Variants in PCDH15 observed in about 807,000 individuals in gnomAD.
The protein encoded by PCDH15 is protocadherin-15.
A neutral mutation model predicts 178.5 loss-of-function variants in PCDH15; 129 were observed. The ratio of observed to expected loss-of-function variants is 0.72; its 90% CI spans 0.63 to 0.84. The LOEUF (loss-of-function observed/expected upper bound fraction) is 0.84, where lower values mean the gene tolerates loss of function less well. Ranked by LOEUF, PCDH15 falls within the 40% of genes least tolerant of loss-of-function variation. PCDH15 has a pLI of 0.00. For missense variants in PCDH15, 2,230 were observed against 2,099.9 expected, an observed-to-expected ratio of 1.06 and a Z score of -1.21; for synonymous variants, 800 against 732.0, an observed-to-expected ratio of 1.09 and a Z score of -1.50.
chr10:54,353,871 TA>T (rs149142423), intron 5 of PCDH15, among the ~76,000 whole-genome samples: 2,713 of 152,212 alleles, frequency 0.018, 86 homozygotes, highest in African/African-American at 0.062. Context: ...GTATTTAAAA[TA>T]AAAAAAGAAT....
At chr10:54,577,072 C>A (rs962221404) in intron 2 of PCDH15, among the ~76,000 whole-genome samples, 1 of 125,850 alleles carries the variant, frequency 7.9e-6, no homozygotes, top group Non-Finnish European at 1.7e-5. Flanking sequence ...CCTGAAAGAC[C>A]TGAAGAAAAT....
At chr10:55,511,584 AT>A (rs1206458960) in intron 2 of PCDH15, among the ~76,000 whole-genome samples, 6 of 151,782 alleles carry the variant, frequency 4.0e-5, no homozygotes, top group African/African-American at 9.7e-5. Context: ...GTTGTTGCTT[AT>A]TTTTTTTACT....
At chr10:55,360,650 AC>A (rs750327222) in intron 2 of PCDH15, among the ~76,000 whole-genome samples, 181 of 152,124 alleles carry the variant, frequency 1.2e-3, no homozygotes, top group Non-Finnish European at 1.8e-3. Context: ...AATTAAAACT[AC>A]AATAGGATAT....
intron 2 of PCDH15, among the ~76,000 whole-genome samples, chr10:55,088,981 T>G (rs1485967654): frequency 6.6e-6 from 1 of 152,088 alleles, no homozygotes; most frequent in Non-Finnish European, 1.5e-5. Context: ...TTGGGAGAAA[T>G]ATATATTCTA....
chr10:54,261,365 A>G (rs945637541), intron 8 of PCDH15, among the ~76,000 whole-genome samples: 1 of 151,974 alleles, frequency 6.6e-6, no homozygotes, highest in African/African-American at 2.4e-5. Flanking sequence ...TAATACCTAT[A>G]ATAATACTAA....
At chr10:54,113,857 C>T (rs2132741269) in intron 15 of PCDH15, among the ~76,000 whole-genome samples, 1 of 152,130 alleles carries the variant, frequency 6.6e-6, no homozygotes, top group East Asian at 1.9e-4. Context: ...AAAAGGCCTC[C>T]ACATGGCTAT....
intron 10 of PCDH15, among the ~76,000 whole-genome samples, chr10:54,197,332 T>A (rs895251848): frequency 6.6e-6 from 1 of 151,966 alleles, no homozygotes; most frequent in African/African-American, 2.4e-5. Context: ...AAAATATATA[T>A]TTTATTATAT....
intron 5 of PCDH15, among the ~76,000 whole-genome samples, chr10:54,363,377 T>G (rs1209516139): frequency 6.6e-6 from 1 of 152,180 alleles, no homozygotes; most frequent in African/African-American, 2.4e-5. Context: ...GTGTCTTCAT[T>G]GAACCTTGTG....
Position 54,023,071 on chromosome 10 carries a change from C to T in PCDH15, c.2347G>A (p.Asp783Asn). Residue 783 changes from aspartate to asparagine, a missense_variant, in exon 19 of 38, where the codon GAC (aspartate) becomes AAC (asparagine). Asp to Asn is a conservative substitution (Grantham distance 23, BLOSUM62 1). Transcript: ENST00000644397. ...TAVKLNREVR[D>N]YYELVVVATD... is the part of the protein sequence containing the mutation. ...GCCACAACAACAAGTTCATAGTAGT[C>T]CCTGACTTCTCTGTTAAGCTTCACT... The T allele has an allele frequency of 1.2e-6, 2 of 1,613,902 alleles. No homozygotes were observed. The highest frequency in any genetic ancestry group is 1.7e-6 in the Non-Finnish European group (2 of 1,179,888).
chr10:54,337,473 C>T (rs372848368), intron 6 of PCDH15, among the ~76,000 whole-genome samples: 33 of 152,202 alleles, frequency 2.2e-4, no homozygotes, highest in African/African-American at 7.2e-4. Flanking sequence ...TCCCCAGCCA[C>T]GTGGAACTGT....
intron 3 of PCDH15, among the ~76,000 whole-genome samples, chr10:54,406,214 G>A (rs867323672): frequency 6.6e-6 from 1 of 151,982 alleles, no homozygotes; most frequent in Non-Finnish European, 1.5e-5. Flanking sequence ...CGTGAGCTAT[G>A]CATTAATGTA....
intron 9 of PCDH15, among the ~76,000 whole-genome samples, chr10:54,235,762 T>A (rs115840090): frequency 1.3e-5 from 2 of 152,202 alleles, no homozygotes; most frequent in African/African-American, 2.4e-5. Context: ...ATAAGAGTGA[T>A]TGACATACAG....
chr10:54,589,685 C>G (rs1279200480), intron 2 of PCDH15, among the ~76,000 whole-genome samples: 1 of 152,076 alleles, frequency 6.6e-6, no homozygotes, highest in African/African-American at 2.4e-5. Context: ...GAGACAGAGT[C>G]TTGCTCCCGG....
At chr10:54,450,130 A>AATATATATATATATATATATAT (rs10526141) in intron 3 of PCDH15, among the ~76,000 whole-genome samples, 16 of 137,218 alleles carry the variant, frequency 1.2e-4, no homozygotes, top group African/African-American at 2.5e-4. Flanking sequence ...CTTTTTTATA[A>AATATATATATATATATATATAT]ATATATATAT....
chr10:53,952,879 A>T (rs1374417729), intron 23 of PCDH15, among the ~76,000 whole-genome samples: 1 of 152,250 alleles, frequency 6.6e-6, no homozygotes, highest in Non-Finnish European at 1.5e-5. Flanking sequence ...GGTGGTGACA[A>T]TGCTCGGGGC....
At chr10:54,163,438 A>C (rs2045913522) in intron 13 of PCDH15, among the ~76,000 whole-genome samples, 2 of 151,980 alleles carry the variant, frequency 1.3e-5, no homozygotes, top group Non-Finnish European at 2.9e-5. Context: ...GAGAAGTGCC[A>C]TATACTTTTA....
At chr10:55,579,755 C>T (rs964483239) in intron 2 of PCDH15, among the ~76,000 whole-genome samples, 1 of 152,162 alleles carries the variant, frequency 6.6e-6, no homozygotes, top group Non-Finnish European at 1.5e-5. Context: ...TCACCCTCCA[C>T]TCTTATTCAT....
intron 2 of PCDH15, among the ~76,000 whole-genome samples, chr10:55,119,776 A>G (rs902282380): frequency 4.6e-5 from 7 of 152,248 alleles, no homozygotes; most frequent in African/African-American, 1.7e-4. Flanking sequence ...TCACTTGAAA[A>G]TAAATGAAAG....
chr10:54,215,918 C>T (rs2134128551), intron 9 of PCDH15, among the ~76,000 whole-genome samples: 1 of 151,934 alleles, frequency 6.6e-6, no homozygotes, highest in East Asian at 1.9e-4. Flanking sequence ...TGGCGGGCGC[C>T]TGTAGTCCCA....
Sources: gnomAD v4.1 joint callset for allele counts (sites outside exome capture counted in the v4.1 genomes callset) on GRCh38, gnomAD v4.1.1 for gene constraint, MANE v1.5 for transcripts, NCBI Gene and HGNC (gene_info 2026-07-23, HGNC 2026-07-21) for gene names.